The following RAB13 variants were observed in gnomAD, a reference collection of about 807,000 sequenced individuals.
RAB13 encodes RAB13, member RAS oncogene family, also known as ras-related protein Rab-13.
RAB13 carries 15 observed loss-of-function variants against 29.3 expected under a neutral mutation model. The observed-to-expected ratio is 0.51, with a 90% CI of 0.34 to 0.79. The LOEUF (loss-of-function observed/expected upper bound fraction) is 0.79. RAB13 is among the 30% of genes least tolerant of loss of function. The pLI, the probability that RAB13 is intolerant of heterozygous loss-of-function variation, is 0.01. For synonymous variants in RAB13, 82 were observed against 93.8 expected (o/e 0.87, Z 0.73); for missense variants, 186 against 255.5 (o/e 0.73, Z 1.85).
chr1:153,989,878 G>A (rs6668510), upstream of RAB13, among the ~76,000 whole-genome samples: 1 of 150,630 alleles, frequency 6.6e-6, no homozygotes, highest in African/African-American at 2.4e-5. Context: ...GGCAACAAGA[G>A]CAAAACTGTG....
upstream of RAB13, chr1:153,986,387 C>CA (rs1419463221): frequency 8.9e-6 from 6 of 673,292 alleles, no homozygotes; most frequent in Non-Finnish European, 1.5e-5. Flanking sequence ...GGAGAGGCGG[C>CA]ACCCCTCCGG....
chr1:153,983,205 T>G lies in RAB13; in HGVS notation c.324+14A>C, dbSNP rs1321281880. On this transcript the variant is annotated intron_variant, in intron 4 of 7. Coordinates refer to ENST00000368575, the MANE Select transcript of RAB13 (RefSeq NM_002870.5). ...TTCTAACCAGTTTCCCCATCTCTTTTGGAGGGTCCTCACCTCCTTGATGCT... is the reference window on the plus strand; with the variant it reads ...TTCTAACCAGTTTCCCCATCTCTTTGGGAGGGTCCTCACCTCCTTGATGCT... 1 of 1,606,320 alleles carries G rather than the reference T, an allele frequency of 6.2e-7. No individual in the cohort carries two copies. Among genetic ancestry groups the G allele is most frequent in the Non-Finnish European group, 8.5e-7 (1 of 1,172,950 alleles).
chr1:153,983,518 T>C lies in RAB13; in HGVS notation c.246+3A>G. On this transcript the variant is annotated splice_donor_region_variant and intron_variant, in intron 3 of 7. Coordinates refer to ENST00000368575, the MANE Select transcript of RAB13 (RefSeq NM_002870.5). The stretch of plus-strand genomic sequence containing the variant: ...ATCCTTTGTTCAGACCCACACTTCA[T>C]ACCATGGCTCCACGGTAGTAGGCAG... 1 of 1,602,720 alleles carries C rather than the reference T, an allele frequency of 6.2e-7. No homozygotes were observed. Among genetic ancestry groups the C allele is most frequent in the Non-Finnish European group, 8.5e-7 (1 of 1,169,656 alleles).
Position 153,986,312 on chromosome 1 carries a change from A to G in RAB13, c.-76T>C. The G allele has an allele frequency of 1.6e-6, 2 of 1,279,574 alleles. No homozygotes were observed. The allele number at this position is 1,279,574 out of a possible 1,614,324, so 79.3% of individuals were successfully genotyped here. A position where few individuals can be genotyped will look rare whatever the true frequency, so the allele number is the denominator to read the frequency against. On this transcript the variant is annotated 5_prime_UTR_variant, in exon 1 of 8. Coordinates refer to ENST00000368575, the MANE Select transcript of RAB13 (RefSeq NM_002870.5). ...AGGCGGGACTGGACGGTTGGCAAAC[A>G]GAGCGGCACGGAGCCCAGGCCAGGA...
rs1649012172 is a variant in RAB13 at position 153,982,413 on chromosome 1, A to C, written c.512T>G (p.Leu171Arg). Residue 171 changes from leucine to arginine, a missense_variant, in exon 7 of 8, where the codon CTC (leucine) becomes CGC (arginine). Physicochemically the swap from Leu to Arg is moderately radical, Grantham distance 102. Coordinates refer to ENST00000368575, the MANE Select transcript of RAB13 (RefSeq NM_002870.5). ...TACTGATCTCCGGCCTCCTGACTTGAGCAAGATGTCCCGGGCCAGGGAACT... is the reference window on the plus strand; with the variant it reads ...TACTGATCTCCGGCCTCCTGACTTGCGCAAGATGTCCCGGGCCAGGGAACT... ...AFSSLARDIL[L>R]KSGGRRSGNG... The C allele has an allele frequency of 6.2e-7, 1 of 1,613,794 alleles. No individual in the cohort carries two copies. Among genetic ancestry groups the C allele is most frequent in the African/African-American group, 1.3e-5 (1 of 74,850 alleles).
chr1:153,983,261 T>C lies in RAB13; in HGVS notation c.282A>G (p.Lys94=), dbSNP rs1451878571. 1 of 1,614,072 alleles carries C rather than the reference T, an allele frequency of 6.2e-7. No homozygotes were observed. The highest frequency in any genetic ancestry group is 8.5e-7 in the Non-Finnish European group (1 of 1,179,932). The change falls in exon 4 of 8, where the codon AAA becomes AAG. Residue 94 remains lysine, a synonymous_variant. Coordinates refer to ENST00000368575, the MANE Select transcript of RAB13 (RefSeq NM_002870.5). ...IILVYDITDE[K]SFENIQNWMK... is the part of the protein sequence containing the mutation. ...TCCAGTTCTGAATATTCTCGAAAGA[T>C]TTCTCATCCGTGATGTCGTATACTA...
At chr1:153,984,621 G>A in intron 2 of RAB13, 100 bp downstream of exon 2, 1 of 1,062,498 alleles carries the variant, frequency 9.4e-7, no homozygotes, top group Non-Finnish European at 1.4e-6. Context: ...CTTCTAGAAG[G>A]AGCAATGGGG....
upstream of RAB13, among the ~76,000 whole-genome samples, chr1:153,990,054 C>A (rs1271605448): frequency 1.4e-4 from 21 of 152,114 alleles, no homozygotes; most frequent in Non-Finnish European, 1.5e-5. Context: ...TATTTCTTTT[C>A]ACTGACCAAA....
At chr1:153,984,930 A>C in intron 1 of RAB13, 149 bp from the exon 2 acceptor site, 1 of 1,385,156 alleles carries the variant, frequency 7.2e-7, no homozygotes, top group Non-Finnish European at 9.3e-7. Flanking sequence ...ATGCCAAGCT[A>C]GGAGAATTTT....
At chr1:153,987,861 T>G (rs1229093402), upstream of RAB13, among the ~76,000 whole-genome samples, 1 of 149,218 alleles carries the variant, frequency 6.7e-6, no homozygotes, top group Non-Finnish European at 1.5e-5. Flanking sequence ...GGGACAGAAG[T>G]GGGCAGAACA....
At chr1:153,982,272 T>G in intron 7 of RAB13, 96 bp from the exon 8 acceptor site, 1 of 1,501,780 alleles carries the variant, frequency 6.7e-7, no homozygotes, top group Non-Finnish European at 9.3e-7. Flanking sequence ...ATGAGAAATC[T>G]TAGCATTGCT....
chr1:153,982,049 G>A lies in RAB13; in HGVS notation c.*50C>T, dbSNP rs370009244. The A allele has an allele frequency of 1.1e-5, 17 of 1,516,964 alleles. No homozygotes were observed. The highest frequency in any genetic ancestry group is 4.5e-5 in the East Asian group (2 of 44,428). 94.0% of individuals were successfully genotyped at this position (1,516,964 alleles called of 1,614,324 possible). On this transcript the variant is annotated 3_prime_UTR_variant, in exon 8 of 8. Transcript: ENST00000368575. ...TTCTCCCCTGCTCACTCCCTCTGCC[G>A]TTGTCTCCCTCAGGTTCAGCTTCCG...
At chr1:153,990,707 T>G (rs902477984), upstream of RAB13, 7 of 1,548,974 alleles carry the variant, frequency 4.5e-6, no homozygotes, top group African/African-American at 6.8e-5. Context: ...CACAAGATCC[T>G]TGCGTCATTT....
intron 7 of RAB13, 77 bp downstream of exon 7, chr1:153,982,313 AC>A: frequency 1.4e-6 from 2 of 1,465,452 alleles, no homozygotes; most frequent in South Asian, 1.1e-5. Flanking sequence ...ACACACACAC[AC>A]ACACACACAC....
chr1:153,985,425 T>C (rs1649132539), intron 1 of RAB13: 2 of 964,350 alleles, frequency 2.1e-6, no homozygotes, highest in African/African-American at 1.8e-5. Context: ...TTCTTCTTAG[T>C]AGAAACTTGG....
chr1:153,984,698 G>C (rs1325200542), intron 2 of RAB13, 23 bp downstream of exon 2: 1 of 1,600,926 alleles, frequency 6.2e-7, no homozygotes, highest in East Asian at 2.2e-5. Flanking sequence ...AGTCTGGCGA[G>C]GCATCCCAGA....
At chr1:153,985,753 A>G (rs185053181) in intron 1 of RAB13, among the ~76,000 whole-genome samples, 1 of 152,240 alleles carries the variant, frequency 6.6e-6, no homozygotes, top group East Asian at 1.9e-4. Context: ...GATGTGGCGG[A>G]CAGGGATACA....
Position 153,983,269 on chromosome 1 carries a change from C to A in RAB13, c.274G>T (p.Asp92Tyr), listed in dbSNP as rs377318766. ...MGIILVYDIT[D>Y]EKSFENIQNW... ...TGAATATTCTCGAAAGATTTCTCAT[C>A]CGTGATGTCGTATACTAGGATAATG... The change falls in exon 4 of 8, where the codon GAT (aspartate) becomes TAT (tyrosine). Residue 92 changes from aspartate to tyrosine, a missense_variant. By Grantham distance (160) the Asp-to-Tyr change is radical. Coordinates refer to ENST00000368575, the MANE Select transcript of RAB13 (RefSeq NM_002870.5). 6.2e-7 allele frequency: 1 copy of A among 1,613,972 alleles called. No homozygotes were observed. The highest frequency in any genetic ancestry group is 8.5e-7 in the Non-Finnish European group (1 of 1,179,944).
At chr1:153,984,177 C>CA (rs751964337) in intron 2 of RAB13, among the ~76,000 whole-genome samples, 896 of 74,056 alleles carry the variant, frequency 0.012, 9 homozygotes, top group East Asian at 0.047. Flanking sequence ...AACTCTGTCT[C>CA]AAAAAAAAAA....
Sources: gnomAD v4.1 joint callset for allele counts (sites outside exome capture counted in the v4.1 genomes callset) on GRCh38, gnomAD v4.1.1 for gene constraint, MANE v1.5 for transcripts, NCBI Gene and HGNC (gene_info 2026-07-23, HGNC 2026-07-21) for gene names.